Variants in PICALM observed in about 807,000 individuals in gnomAD.
The protein encoded by PICALM is phosphatidylinositol binding clathrin assembly protein.
PICALM carries 40 observed loss-of-function variants against 80.5 expected under a neutral mutation model. That is an observed-to-expected ratio of 0.50 (90% CI 0.39 to 0.65). PICALM has a LOEUF of 0.65. Ranked by LOEUF, PICALM falls within the 30% of genes least tolerant of loss-of-function variation. PICALM has a pLI of 0.00. For synonymous variants in PICALM, 288 were observed against 260.3 expected, an observed-to-expected ratio of 1.11 and a Z score of -1.02; for missense variants, 676 against 778.9, an observed-to-expected ratio of 0.87 and a Z score of 1.57.
upstream of PICALM, chr11:86,069,094 C>T (rs1478789510): frequency 3.2e-6 from 1 of 312,430 alleles, no homozygotes; most frequent in Non-Finnish European, 6.0e-6. Flanking sequence ...CGGCGCCAGG[C>T]TCCTCCTCGG....
intron 1 of PICALM, among the ~76,000 whole-genome samples, chr11:86,055,325 C>T: frequency 6.9e-6 from 1 of 145,714 alleles, no homozygotes; most frequent in African/African-American, 2.5e-5. Flanking sequence ...AAAACTCCGT[C>T]TCAAAAAAAA....
At chr11:85,971,620 C>T (rs138939439) in intron 19 of PICALM, among the ~76,000 whole-genome samples, 26 of 152,066 alleles carry the variant, frequency 1.7e-4, no homozygotes, top group African/African-American at 6.3e-4. Context: ...CCAGTAATCT[C>T]AGCTACTCAG....
chr11:85,981,728 GTATAT>G lies in PICALM; in HGVS notation c.1679+12_1679+16del, dbSNP rs749010123. 3.2e-5 allele frequency: 51 copies of G among 1,586,956 alleles called. No homozygotes were observed. The East Asian group carries it at 4.0e-4, about 13-fold the overall frequency. ...AAATAACACACGGAGAAAACAATGTGTATATTAAACACTCACTTCTTAGTGGTTCC... is the reference window on the plus strand; with the variant it reads ...AAATAACACACGGAGAAAACAATGTGTAAACACTCACTTCTTAGTGGTTCC... On this transcript the variant is annotated intron_variant, in intron 16 of 19. Transcript: ENST00000393346.
intron 18 of PICALM, among the ~76,000 whole-genome samples, chr11:85,975,142 C>T (rs1306278644): frequency 2.0e-5 from 3 of 152,160 alleles, no homozygotes; most frequent in Admixed American, 6.5e-5. Context: ...CAGGTTTAGA[C>T]ATCAAGAAAA....
At chr11:85,991,354 C>T (rs951074620) in intron 12 of PICALM, among the ~76,000 whole-genome samples, 2 of 152,146 alleles carry the variant, frequency 1.3e-5, no homozygotes, top group African/African-American at 4.8e-5. Context: ...TTGACCTTCA[C>T]TGAAATATAC....
Position 85,986,880 on chromosome 11 carries a change from C to T in PICALM, c.1409-2907G>A, listed in dbSNP as rs192086875. The stretch of plus-strand genomic sequence containing the variant: ...TCATTACATTGTCCTGCTTACTCTT[C>T]CATTTCACCAAGGCCCAGTGAAAAC... On this transcript the variant is annotated intron_variant, in intron 13 of 19. Coordinates refer to ENST00000393346, the MANE Select transcript of PICALM (RefSeq NM_007166.4). Among the ~76,000 whole-genome samples the T allele has an allele frequency of 1.2e-3, 183 of 152,322 alleles. 1 individual carries two copies. The highest frequency in any genetic ancestry group is 2.5e-3 in the Admixed American group (38 of 15,298).
chr11:86,065,285 A>C (rs1004913737), intron 1 of PICALM, among the ~76,000 whole-genome samples: 3 of 152,012 alleles, frequency 2.0e-5, no homozygotes, highest in Non-Finnish European at 4.4e-5. Context: ...ATCTCTACTA[A>C]AAATACAAAA....
intron 1 of PICALM, among the ~76,000 whole-genome samples, chr11:86,066,746 C>CAA (rs201337814): frequency 9.0e-4 from 89 of 99,102 alleles, no homozygotes; most frequent in African/African-American, 3.0e-3. Context: ...TACTCCCATA[C>CAA]AAAAAAAAAA....
At chr11:86,008,336 T>C (rs1428895591) in intron 7 of PICALM, among the ~76,000 whole-genome samples, 1 of 152,120 alleles carries the variant, frequency 6.6e-6, no homozygotes. Context: ...GAAAATCTGA[T>C]AAAGGCCAGA....
chr11:85,965,457 G>A (rs890793218), intron 19 of PICALM, among the ~76,000 whole-genome samples: 5 of 152,184 alleles, frequency 3.3e-5, no homozygotes, highest in Non-Finnish European at 5.9e-5. Context: ...CAGAGACACT[G>A]AGTCACAGAA....
chr11:86,020,439 A>G (rs1202276159), intron 4 of PICALM, among the ~76,000 whole-genome samples: 1 of 151,584 alleles, frequency 6.6e-6, no homozygotes, highest in Non-Finnish European at 1.5e-5. Context: ...AAAAAAAAAA[A>G]AAAAGAATAG....
intron 1 of PICALM, among the ~76,000 whole-genome samples, chr11:86,065,756 T>A (rs151309315): frequency 6.6e-6 from 1 of 152,308 alleles, no homozygotes; most frequent in Admixed American, 6.5e-5. Flanking sequence ...AACACTATTA[T>A]CCACTAACAC....
chr11:85,992,583 G>T (rs969456224), intron 12 of PICALM, among the ~76,000 whole-genome samples: 1 of 152,242 alleles, frequency 6.6e-6, no homozygotes, highest in African/African-American at 2.4e-5. Context: ...CACCACACAC[G>T]GCCGAATGTT....
intron 2 of PICALM, among the ~76,000 whole-genome samples, chr11:86,027,524 GTCTCGC>G (rs2095668650): frequency 6.7e-6 from 1 of 148,944 alleles, no homozygotes; most frequent in Non-Finnish European, 1.5e-5. Flanking sequence ...TTGAGACAGG[GTCTCGC>G]TCTGTCATCC....
intron 1 of PICALM, among the ~76,000 whole-genome samples, chr11:86,040,746 T>C (rs962245013): frequency 2.0e-5 from 3 of 152,316 alleles, no homozygotes; most frequent in South Asian, 4.1e-4. Flanking sequence ...TATTCCAAAA[T>C]GCTTTAAGTG....
intron 19 of PICALM, among the ~76,000 whole-genome samples, chr11:85,959,999 A>G (rs1253580887): frequency 6.6e-6 from 1 of 152,242 alleles, no homozygotes; most frequent in Non-Finnish European, 1.5e-5. Flanking sequence ...AAATACCACA[A>G]GCAAAATCTC....
intron 14 of PICALM, chr11:85,982,214 C>A: frequency 2.0e-6 from 1 of 503,224 alleles, no homozygotes; most frequent in Non-Finnish European, 3.6e-6. Context: ...TGACAGAAAT[C>A]ATCTCTTATC....
chr11:86,030,560 A>G (rs570087592), intron 2 of PICALM, among the ~76,000 whole-genome samples: 1 of 152,356 alleles, frequency 6.6e-6, no homozygotes, highest in East Asian at 1.9e-4. Context: ...AATTTTACAA[A>G]TAAGTTTATT....
chr11:86,018,975 C>A (rs2095524201), intron 4 of PICALM, among the ~76,000 whole-genome samples: 2 of 151,864 alleles, frequency 1.3e-5, no homozygotes, highest in South Asian at 4.1e-4. Context: ...GAAAAGCAGC[C>A]TTCAAAGAAT....
Sources: allele counts gnomAD v4.1 joint callset (sites outside exome capture counted in the v4.1 genomes callset), GRCh38; gene constraint gnomAD v4.1.1; transcripts MANE v1.5; gene names NCBI Gene and HGNC (gene_info 2026-07-23, HGNC 2026-07-21).